The following SECISBP2 variants were observed in gnomAD, a reference collection of about 807,000 sequenced individuals.
The protein encoded by SECISBP2 is SECIS binding protein 2.
Under a neutral mutation model 98.2 loss-of-function variants are expected in SECISBP2, and 96 were observed. The observed-to-expected ratio is 0.98, with a 90% CI of 0.83 to 1.16. The LOEUF (loss-of-function observed/expected upper bound fraction) is 1.16. Ranked by LOEUF, SECISBP2 falls within the 50% of genes most tolerant of loss-of-function variation. The pLI is 0.00. For missense variants in SECISBP2, 1,046 were observed against 1,022.9 expected (o/e 1.02, Z -0.31); for synonymous variants, 407 against 370.2 (o/e 1.10, Z -1.14).
At chr9:89,357,320 G>A in intron 14 of SECISBP2, 91 bp from the exon 15 acceptor site, 1 of 1,343,862 alleles carries the variant, frequency 7.4e-7, no homozygotes, top group African/African-American at 1.4e-5. Context: ...ATAGATGGGT[G>A]TGTTGCTAAG....
chr9:89,363,863 C>T, downstream of SECISBP2: 1 of 1,614,136 alleles, frequency 6.2e-7, no homozygotes, highest in Non-Finnish European at 8.5e-7. Context: ...ATGGGCCCTG[C>T]CATCGGGCAG....
At chr9:89,363,585 A>C, downstream of SECISBP2, 1 of 1,608,140 alleles carries the variant, frequency 6.2e-7, no homozygotes, top group South Asian at 1.1e-5. Context: ...GGCACCCTTG[A>C]TGCCCACTGG....
At position 89,336,934 on chromosome 9, in the gene SECISBP2, G is replaced by C. The variant is rs149815151; in HGVS notation, c.1090-1524G>C. ...TTACAGGTGCCCGCCACCATGCCTG[G>C]CTAATTTTTGTATTGTTTTAGTAGA... On this transcript the variant is annotated intron_variant, in intron 7 of 16. Transcript: ENST00000375807. Among the ~76,000 whole-genome samples, 1,189 of 152,002 alleles carry C rather than the reference G, an allele frequency of 7.8e-3. 9 individuals carry two copies. Among genetic ancestry groups the C allele is most frequent in the South Asian group, 0.018 (87 of 4,798 alleles).
In SECISBP2 at chr9:89,349,131, C is replaced by T. The variant is rs146275041; in HGVS notation, c.1739-645C>T. Among the ~76,000 whole-genome samples the T allele has an allele frequency of 3.9e-3, 599 of 152,322 alleles. 3 individuals carry two copies. Among genetic ancestry groups the T allele is most frequent in the African/African-American group, 0.013 (542 of 41,558 alleles). Reference sequence around the variant, plus strand: ...GGTGCTCCCCATCTCTACCAGCCCACGGGGCACTATGTTTTTCAACCTTGC... The same window carrying T: ...GGTGCTCCCCATCTCTACCAGCCCATGGGGCACTATGTTTTTCAACCTTGC... On this transcript the variant is annotated intron_variant, in intron 12 of 16. Coordinates refer to ENST00000375807, the MANE Select transcript of SECISBP2 (RefSeq NM_024077.5).
At position 89,350,813 on chromosome 9, in the gene SECISBP2, G is replaced by A. The variant is rs749519843; in HGVS notation, c.2074G>A (p.Val692Ile). The A allele has an allele frequency of 1.9e-6, 3 of 1,614,216 alleles. No homozygotes were observed. The South Asian group carries it at 3.3e-5, about 18-fold the overall frequency. The change falls in exon 14 of 17, where the codon GTC becomes ATC. Residue 692 changes from valine (V) to isoleucine (I), a missense_variant. Val to Ile is a conservative substitution (Grantham distance 29). Coordinates refer to ENST00000375807, the MANE Select transcript of SECISBP2 (RefSeq NM_024077.5). ...CCTGAAGCTCAAAAAACTGAAATGT[G>A]TCATTATTTCTCCCAACTGTGAGAA... ...KHLKLKKLKC[V>I]IISPNCEKIQ...
At chr9:89,355,281 TAGG>T in intron 14 of SECISBP2, 1 of 985,462 alleles carries the variant, frequency 1.0e-6, no homozygotes, top group Non-Finnish European at 1.2e-6. Flanking sequence ...GAGTATCCTG[TAGG>T]CCAGATGCCT....
intron 2 of SECISBP2, among the ~76,000 whole-genome samples, chr9:89,320,255 C>T (rs113092364): frequency 0.049 from 7,385 of 149,292 alleles, 572 homozygotes; most frequent in African/African-American, 0.17. Flanking sequence ...ATTCGGGAGA[C>T]TGGGGCAGCA....
At chr9:89,360,884 A>G (rs897577182), downstream of SECISBP2, 5 of 152,248 alleles carry the variant, frequency 3.3e-5, no homozygotes, top group South Asian at 8.3e-4. Context: ...AACACTCCAC[A>G]TTACGAAAAC....
In SECISBP2 at chr9:89,339,131, G is replaced by C. The variant is rs530083217; in HGVS notation, c.1212+551G>C. Among the ~76,000 whole-genome samples the C allele has an allele frequency of 2.0e-5, 3 of 152,286 alleles. No homozygotes were observed. The South Asian group carries it at 6.2e-4, about 32-fold the overall frequency. On this transcript the variant is annotated intron_variant, in intron 8 of 16. Transcript: ENST00000375807. Reference sequence around the variant, plus strand: ...TCTAACTTAATTTCTCGTGTGCCTGGTTGTTTTCTTTACATTGCTGTACCA... The same window carrying C: ...TCTAACTTAATTTCTCGTGTGCCTGCTTGTTTTCTTTACATTGCTGTACCA...
At chr9:89,359,980 A>G (rs1048502599), downstream of SECISBP2, among the ~76,000 whole-genome samples, 5 of 152,086 alleles carry the variant, frequency 3.3e-5, no homozygotes, top group South Asian at 1.0e-3. Flanking sequence ...GCAATATTGT[A>G]CCTCTTGAGA....
rs544464304 is a variant in SECISBP2, at chr9:89,357,502, G to T, written c.2205G>T (p.Gly735=). ...FVFALNRKAL[G]RSLNKAVPVS... is the part of the protein sequence containing the mutation. ...TTGCTCTCAACCGCAAAGCTCTGGG[G>T]CGCAGTTTGAATAAGGCAGTTCCTG... The change falls in exon 15 of 17, where the codon GGG becomes GGT. Residue 735 remains glycine, a synonymous_variant. Transcript: ENST00000375807. 6.2e-7 allele frequency: 1 copy of T among 1,614,234 alleles called. No homozygotes were observed. Among genetic ancestry groups the T allele is most frequent in the African/African-American group, 1.3e-5 (1 of 75,062 alleles).
chr9:89,354,761 G>A, intron 14 of SECISBP2: 2 of 985,390 alleles, frequency 2.0e-6, no homozygotes, highest in South Asian at 9.4e-5. Flanking sequence ...GGTTGTTTCT[G>A]CACAGTGCTC....
At chr9:89,318,958 C>G in intron 1 of SECISBP2, 1 of 1,132,600 alleles carries the variant, frequency 8.8e-7, no homozygotes, top group Non-Finnish European at 1.1e-6. Context: ...TTTAAAGGAT[C>G]CTGCGTTTTT....
intron 10 of SECISBP2, among the ~76,000 whole-genome samples, chr9:89,344,103 G>T (rs1025276499): frequency 1.3e-5 from 2 of 152,070 alleles, no homozygotes; most frequent in Non-Finnish European, 2.9e-5. Context: ...ATGCTTGTTG[G>T]CCACGTGTAT....
downstream of SECISBP2, chr9:89,361,593 G>GACTC (rs1832769640): frequency 6.6e-6 from 1 of 152,232 alleles, no homozygotes; most frequent in South Asian, 2.1e-4. Context: ...ACACTCATGA[G>GACTC]ACTCATTCCA....
chr9:89,366,865 A>G, the SECISBP2 span, among the ~76,000 whole-genome samples: 4 of 152,284 alleles, frequency 2.6e-5, no homozygotes, highest in South Asian at 4.1e-4. Context: ...GACTGGAGTC[A>G]CTGAGTCACA....
intron 5 of SECISBP2, among the ~76,000 whole-genome samples, chr9:89,331,890 A>G (rs879771997): frequency 2.6e-5 from 4 of 152,228 alleles, no homozygotes; most frequent in Admixed American, 2.0e-4. Context: ...GTATAAAAAT[A>G]TGATACACAA....
chr9:89,359,096 C>A lies in SECISBP2; in HGVS notation c.*272C>A. 2.2e-6 allele frequency: 1 copy of A among 458,712 alleles called. No homozygotes were observed. The highest frequency in any genetic ancestry group is 2.2e-5 in the South Asian group (1 of 46,046). 28.4% of individuals were successfully genotyped at this position (458,712 alleles called of 1,614,324 possible). ...GAGCACACTACGGATCTGGAAAATA[C>A]TGGAAAATGTGATACTTAGAATACT... On this transcript the variant is annotated 3_prime_UTR_variant, in exon 17 of 17. Coordinates refer to ENST00000375807, the MANE Select transcript of SECISBP2 (RefSeq NM_024077.5).
rs1221729274 is a variant in SECISBP2 at position 89,357,410 on chromosome 9, G to A, written c.2114-1G>A. ...GTCATTTTTCATTGTCCTTTGACCA[G>A]GTGGGCTGGATGACACTTTGCACAC... On this transcript the variant is annotated splice_acceptor_variant, in intron 14 of 16. Coordinates refer to ENST00000375807, the MANE Select transcript of SECISBP2 (RefSeq NM_024077.5). LOFTEE classifies it high-confidence loss of function. 6.2e-7 allele frequency: 1 copy of A among 1,614,126 alleles called. No homozygotes were observed.
Sources: gnomAD v4.1 joint callset for allele counts (sites outside exome capture counted in the v4.1 genomes callset) on GRCh38, gnomAD v4.1.1 for gene constraint, MANE v1.5 for transcripts, NCBI Gene and HGNC (gene_info 2026-07-23, HGNC 2026-07-21) for gene names.